PCDH15: variants seen among roughly 807,000 people sequenced by gnomAD.
PCDH15 encodes the protein protocadherin-15.
A neutral mutation model predicts 178.5 loss-of-function variants in PCDH15; 129 were observed. The ratio of observed to expected loss-of-function variants is 0.72; its 90% CI spans 0.63 to 0.84. The LOEUF is 0.84. Ranked by LOEUF, PCDH15 falls within the 40% of genes least tolerant of loss-of-function variation. The probability of loss-of-function intolerance (pLI) is 0.00; values close to 1 mark genes in which losing one functional copy is unlikely to be tolerated. For synonymous variants in PCDH15, 800 were observed against 732.0 expected, an observed-to-expected ratio of 1.09 and a Z score of -1.50; for missense variants, 2,230 against 2,099.9, an observed-to-expected ratio of 1.06 and a Z score of -1.21.
rs116812976 is a variant in PCDH15, at chr10:54,176,912, A to G, written c.1590+6532T>C. Among the ~76,000 whole-genome samples the G allele has an allele frequency of 4.3e-3, 650 of 151,884 alleles. 8 individuals are homozygous for G. Among genetic ancestry groups the G allele is most frequent in the African/African-American group, 0.013 (534 of 41,352 alleles). ...TCATTCTATATGATCCAGCAATCCC[A>G]CTCCTTGGTATTTACCAAAAGGATT... On this transcript the variant is annotated intron_variant, in intron 13 of 37. Coordinates refer to ENST00000644397, the MANE Select transcript of PCDH15 (RefSeq NM_001384140.1).
chr10:54,314,281 G>A (rs578052224), intron 8 of PCDH15, among the ~76,000 whole-genome samples: 7 of 151,700 alleles, frequency 4.6e-5, no homozygotes, highest in Non-Finnish European at 8.8e-5. Flanking sequence ...AGAAATTTTC[G>A]AATGAAACAA....
intron 3 of PCDH15, among the ~76,000 whole-genome samples, chr10:54,846,951 C>G (rs538337683): frequency 6.6e-6 from 1 of 152,322 alleles, no homozygotes; most frequent in Non-Finnish European, 1.5e-5. Context: ...ACTTCATTTA[C>G]ATTATCACCC....
chr10:54,426,530 G>A (rs866855074), intron 3 of PCDH15, among the ~76,000 whole-genome samples: 1 of 152,150 alleles, frequency 6.6e-6, no homozygotes, highest in Non-Finnish European at 1.5e-5. Context: ...AACAGGCCAC[G>A]GAACGGTACC....
intron 3 of PCDH15, among the ~76,000 whole-genome samples, chr10:54,383,661 GTGT>G (rs1949543039): frequency 6.7e-6 from 1 of 149,256 alleles, no homozygotes; most frequent in Admixed American, 6.7e-5. Context: ...GTGTGTGTGT[GTGT>G]TTCAACATAA....
In PCDH15 at chr10:55,096,252, T is replaced by G. The variant is rs1842448123; in HGVS notation, c.-80+70324A>C. Among the ~76,000 whole-genome samples, 6 of 152,208 alleles carry G rather than the reference T, an allele frequency of 3.9e-5. No individual in the cohort carries two copies. In the South Asian group the frequency reaches 1.2e-3, roughly 32 times the overall value. ...AAAATCAGCTGTTTTCCAACATCTG[T>G]GATAGTTAAAATGTATTTTCTTAGA... On this transcript the variant is annotated intron_variant, in intron 2 of 5. Coordinates refer to the PCDH15 transcript ENST00000458638.
At chr10:54,995,665 T>C (rs1253320819) in intron 2 of PCDH15, among the ~76,000 whole-genome samples, 1 of 151,096 alleles carries the variant, frequency 6.6e-6, no homozygotes, top group Non-Finnish European at 1.5e-5. Context: ...CACACTCTAG[T>C]CTCAAACTTA....
intron 2 of PCDH15, among the ~76,000 whole-genome samples, chr10:55,624,732 C>T (rs1470485541): frequency 6.6e-6 from 1 of 152,088 alleles, no homozygotes; most frequent in African/African-American, 2.4e-5. Flanking sequence ...GAATGACCAA[C>T]ATCGTTAGGC....
At chr10:54,705,986 A>G (rs868057654) in intron 1 of PCDH15, among the ~76,000 whole-genome samples, 1 of 152,154 alleles carries the variant, frequency 6.6e-6, no homozygotes, top group Admixed American at 6.6e-5. Flanking sequence ...TTAAAAAGAG[A>G]AGAGCATATT....
At chr10:54,388,941 T>C (rs1950222429) in intron 3 of PCDH15, among the ~76,000 whole-genome samples, 1 of 152,168 alleles carries the variant, frequency 6.6e-6, no homozygotes, top group Non-Finnish European at 1.5e-5. Flanking sequence ...GGGATTCAGA[T>C]TTGGGTTCTA....
intron 18 of PCDH15, among the ~76,000 whole-genome samples, chr10:54,038,750 CACAGTCTTCATA>C (rs2093473924): frequency 6.6e-6 from 1 of 151,956 alleles, no homozygotes; most frequent in Non-Finnish European, 1.5e-5. Context: ...CTGCTTGGCA[CACAGTCTTCATA>C]ACAAGCCTCT....
intron 1 of PCDH15, among the ~76,000 whole-genome samples, chr10:55,189,214 AACGATTTT>A (rs1437224136): frequency 2.0e-5 from 3 of 151,950 alleles, no homozygotes; most frequent in African/African-American, 7.2e-5. Context: ...AGTTGTAAAA[AACGATTTT>A]ACTATTGCCT....
rs117349258 is a variant in PCDH15, at chr10:55,272,217, A to G, written c.-156+47382T>C. ...ATTTCAATCTGAAAGTGAAGAAAAG[A>G]ACAATCAGGATTGAAAACAAAACAA... On this transcript the variant is annotated intron_variant, in intron 1 of 5. Coordinates refer to the PCDH15 transcript ENST00000458638. Among the ~76,000 whole-genome samples the G allele has an allele frequency of 9.9e-5, 15 of 152,116 alleles. No individual in the cohort carries two copies. The East Asian group carries it at 2.9e-3, about 29-fold the overall frequency.
chr10:54,037,579 A>G (rs2093445188), intron 18 of PCDH15, among the ~76,000 whole-genome samples: 1 of 151,978 alleles, frequency 6.6e-6, no homozygotes, highest in Non-Finnish European at 1.5e-5. Flanking sequence ...AGTATACTTA[A>G]TGGAGTATAG....
Position 53,809,446 on chromosome 10 carries a change from G to A in PCDH15, c.4671+1110C>T, listed in dbSNP as rs773620853. 9 of 1,613,916 alleles carry A rather than the reference G, an allele frequency of 5.6e-6. No homozygotes were observed. The South Asian group carries it at 9.9e-5, about 18-fold the overall frequency. On this transcript the variant is annotated intron_variant, in intron 37 of 37. Transcript: ENST00000644397. ...GGCTCTCTTCCATGTTGTGTATGTA[G>A]GCTCAGCTGCTGGTGGTTTTTCGAT...
chr10:55,394,017 A>ACCCCCC (rs1456355376), intron 2 of PCDH15, among the ~76,000 whole-genome samples: 2 of 151,866 alleles, frequency 1.3e-5, no homozygotes, highest in Non-Finnish European at 2.9e-5. Context: ...AATATTTGTG[A>ACCCCCC]CCCCATTGTG....
intron 1 of PCDH15, among the ~76,000 whole-genome samples, chr10:55,270,087 A>T (rs7098564): frequency 0.017 from 2,611 of 152,308 alleles, 30 homozygotes; most frequent in African/African-American, 0.035. Context: ...CCATATGCAC[A>T]AGAATGAACC....
At chr10:53,986,440 C>T (rs998236351) in intron 21 of PCDH15, among the ~76,000 whole-genome samples, 7 of 152,176 alleles carry the variant, frequency 4.6e-5, no homozygotes, top group African/African-American at 1.7e-4. Flanking sequence ...ACTAATGTAA[C>T]TACCATATGA....
At chr10:54,460,071 A>T (rs1159069039) in intron 3 of PCDH15, among the ~76,000 whole-genome samples, 2 of 152,190 alleles carry the variant, frequency 1.3e-5, no homozygotes, top group African/African-American at 4.8e-5. Flanking sequence ...AAAAGGAGAA[A>T]TAATACAGTC....
At chr10:54,483,693 AT>A (rs577619006) in intron 3 of PCDH15, among the ~76,000 whole-genome samples, 28 of 151,504 alleles carry the variant, frequency 1.8e-4, no homozygotes, top group Non-Finnish European at 2.8e-4. Context: ...TGTCCACTCC[AT>A]TTTTTTTCTC....
Sources: gnomAD v4.1 joint callset for allele counts (sites outside exome capture counted in the v4.1 genomes callset) on GRCh38, gnomAD v4.1.1 for gene constraint, MANE v1.5 for transcripts, NCBI Gene and HGNC (gene_info 2026-07-23, HGNC 2026-07-21) for gene names.